The following CECR2 variants were observed in gnomAD, a reference collection of about 807,000 sequenced individuals.
CECR2 encodes CECR2 histone acetyl-lysine reader, also known as chromatin remodeling regulator CECR2.
In CECR2, 30 loss-of-function variants were observed where a neutral mutation model predicts 154.5. The observed-to-expected ratio is 0.19, with a 90% CI of 0.15 to 0.26. The LOEUF (loss-of-function observed/expected upper bound fraction) is 0.26, where lower values mean the gene tolerates loss of function less well. Ranked by LOEUF, CECR2 falls within the 10% of genes least tolerant of loss-of-function variation. The pLI is 1.00. For synonymous variants in CECR2, 725 were observed against 683.7 expected (o/e 1.06, Z -0.94); for missense variants, 1,743 against 1,829.3 (o/e 0.95, Z 0.86).
At chr22:17,516,232 TAC>T (rs1172934521) in intron 8 of CECR2, among the ~76,000 whole-genome samples, 6 of 151,986 alleles carry the variant, frequency 3.9e-5, no homozygotes, top group African/African-American at 1.4e-4. Context: ...TATATATCCA[TAC>T]ACACACACAT....
chr22:17,379,118 G>A (rs1299878948), intron 1 of CECR2, among the ~76,000 whole-genome samples: 4 of 151,942 alleles, frequency 2.6e-5, no homozygotes, highest in South Asian at 2.1e-4. Flanking sequence ...CACCACACCC[G>A]GCTAATTTTT....
intron 1 of CECR2, among the ~76,000 whole-genome samples, chr22:17,455,466 C>G (rs1475450730): frequency 6.6e-6 from 1 of 152,260 alleles, no homozygotes; most frequent in Non-Finnish European, 1.5e-5. Flanking sequence ...ACATATTGAT[C>G]GTTCATCTTT....
chr22:17,470,875 T>G (rs2055115739), intron 1 of CECR2, among the ~76,000 whole-genome samples: 1 of 152,216 alleles, frequency 6.6e-6, no homozygotes, highest in South Asian at 2.1e-4. Context: ...AGTTTGATTA[T>G]TCTTTCTTTT....
At chr22:17,512,789 G>A (rs1218908800) in intron 8 of CECR2, among the ~76,000 whole-genome samples, 1 of 151,998 alleles carries the variant, frequency 6.6e-6, no homozygotes, top group African/African-American at 2.4e-5. Flanking sequence ...AATTGGAGAT[G>A]TAGCATGGAC....
chr22:17,380,728 GT>G (rs2063177603), intron 1 of CECR2, among the ~76,000 whole-genome samples: 1 of 152,198 alleles, frequency 6.6e-6, no homozygotes, highest in South Asian at 2.1e-4. Flanking sequence ...CGTTTTCAAT[GT>G]TGAACTTTAA....
At chr22:17,425,282 ATATG>A (rs1298648411) in intron 1 of CECR2, among the ~76,000 whole-genome samples, 3 of 152,096 alleles carry the variant, frequency 2.0e-5, no homozygotes, top group Non-Finnish European at 4.4e-5. Flanking sequence ...ACACAGGTGA[ATATG>A]TATGTAGCAG....
chr22:17,496,984 C>A (rs1482453377), intron 2 of CECR2, among the ~76,000 whole-genome samples: 1 of 152,156 alleles, frequency 6.6e-6, no homozygotes, highest in Non-Finnish European at 1.5e-5. Flanking sequence ...TTTTTCATTT[C>A]TGCTTTCTGT....
At chr22:17,511,041 C>A (rs1024291461) in intron 7 of CECR2, among the ~76,000 whole-genome samples, 2 of 152,156 alleles carry the variant, frequency 1.3e-5, no homozygotes, top group Non-Finnish European at 2.9e-5. Flanking sequence ...TTAAGTGGTG[C>A]CAGAACTGAC....
At chr22:17,429,706 A>G (rs1014941993) in intron 1 of CECR2, among the ~76,000 whole-genome samples, 1 of 152,180 alleles carries the variant, frequency 6.6e-6, no homozygotes, top group Non-Finnish European at 1.5e-5. Flanking sequence ...TTTCACAACC[A>G]TTTAGGTTGA....
intron 2 of CECR2, among the ~76,000 whole-genome samples, chr22:17,493,600 C>G (rs908106196): frequency 6.6e-6 from 1 of 152,100 alleles, no homozygotes; most frequent in African/African-American, 2.4e-5. Flanking sequence ...CAGGTGTCTC[C>G]TAGTTAAGGT....
chr22:17,382,037 G>A (rs996549629), intron 1 of CECR2, among the ~76,000 whole-genome samples: 30 of 143,166 alleles, frequency 2.1e-4, no homozygotes, highest in South Asian at 1.2e-3. Context: ...ACAGGCGCCT[G>A]CCACCACGCC....
At chr22:17,491,839 A>G (rs1313903085) in intron 2 of CECR2, among the ~76,000 whole-genome samples, 1 of 152,214 alleles carries the variant, frequency 6.6e-6, no homozygotes, top group African/African-American at 2.4e-5. Context: ...TATTATGTAC[A>G]TGTTTCTCTA....
chr22:17,463,967 T>C (rs2054986250), intron 1 of CECR2, among the ~76,000 whole-genome samples: 1 of 152,144 alleles, frequency 6.6e-6, no homozygotes, highest in African/African-American at 2.4e-5. Context: ...GGTGGGTGTG[T>C]CCTGAAAGCC....
At position 17,477,688 on chromosome 22, in the gene CECR2, TA is replaced by T; in HGVS notation, c.221+8del. ...TATCAACGAAGAGATATCACGTGAG[TA>T]ATTCTGATCTTTCTAAGCATTTCTT... is the stretch of plus-strand genomic sequence containing the variant. On this transcript the variant is annotated splice_region_variant and intron_variant, in intron 2 of 18. Transcript: ENST00000262608. The T allele has an allele frequency of 6.3e-7, 1 of 1,586,882 alleles. No individual in the cohort carries two copies. The highest frequency in any genetic ancestry group is 8.7e-7 in the Non-Finnish European group (1 of 1,155,428).
chr22:17,419,469 G>T, intron 1 of CECR2: 1 of 213,858 alleles, frequency 4.7e-6, no homozygotes, highest in Non-Finnish European at 9.8e-6. Flanking sequence ...CACGCCTGAG[G>T]AAGACTCAGA....
chr22:17,467,028 T>G (rs1298618218), intron 1 of CECR2, among the ~76,000 whole-genome samples: 8 of 151,530 alleles, frequency 5.3e-5, no homozygotes, highest in Admixed American at 4.6e-4. Flanking sequence ...ATCGGGGGAG[T>G]GTTCATAAAG....
chr22:17,552,324 A>G (rs915044132), intron 18 of CECR2, among the ~76,000 whole-genome samples, 182 bp downstream of exon 18: 1 of 152,098 alleles, frequency 6.6e-6, no homozygotes, highest in Non-Finnish European at 1.5e-5. Context: ...CACCTCTCAC[A>G]TGTCTCTTTT....
chr22:17,387,788 C>G (rs1172654211), intron 1 of CECR2, among the ~76,000 whole-genome samples: 2 of 152,160 alleles, frequency 1.3e-5, no homozygotes, highest in African/African-American at 2.4e-5. Context: ...GAGGGACTCT[C>G]ATTTAGCCAA....
intron 2 of CECR2, among the ~76,000 whole-genome samples, chr22:17,484,404 G>A (rs1431313003): frequency 1.3e-5 from 2 of 152,114 alleles, no homozygotes; most frequent in Non-Finnish European, 2.9e-5. Flanking sequence ...TATGAAAGCA[G>A]CCATAGGCAA....
Sources: allele counts gnomAD v4.1 joint callset (sites outside exome capture counted in the v4.1 genomes callset), GRCh38; gene constraint gnomAD v4.1.1; transcripts MANE v1.5; gene names NCBI Gene and HGNC (gene_info 2026-07-23, HGNC 2026-07-21).